The following CUBN variants were observed in gnomAD, a reference collection of about 807,000 sequenced individuals.
CUBN encodes 460 kDa receptor.
Under a neutral mutation model 405.3 loss-of-function variants are expected in CUBN, and 282 were observed. The observed-to-expected ratio is 0.70, with a 90% CI of 0.63 to 0.77. The LOEUF is 0.77. Among genes scored for constraint, CUBN ranks in the 30% least tolerant of loss-of-function variants. The pLI is 0.00. For missense variants in CUBN, 4,514 were observed against 4,475.2 expected, an observed-to-expected ratio of 1.01 and a Z score of -0.25; for synonymous variants, 1,684 against 1,617.0, an observed-to-expected ratio of 1.04 and a Z score of -0.99.
At chr10:17,044,963 T>C in intron 25 of CUBN, 44 bp downstream of exon 25, 1 of 1,566,648 alleles carries the variant, frequency 6.4e-7, no homozygotes, top group Non-Finnish European at 8.8e-7. Context: ...GTGCGTTGGG[T>C]GAGATGGGAG....
intron 64 of CUBN, among the ~76,000 whole-genome samples, chr10:16,832,143 C>T (rs1298583813): frequency 6.6e-6 from 1 of 152,104 alleles, no homozygotes; most frequent in African/African-American, 2.4e-5. Context: ...CACTTTCTGT[C>T]CCCCAGCCTG....
chr10:17,109,609 C>A (rs1422544165), intron 10 of CUBN, 31 bp downstream of exon 10: 2 of 1,558,534 alleles, frequency 1.3e-6, no homozygotes, highest in African/African-American at 2.7e-5. Context: ...TATTACAATA[C>A]CCAAAGCCAA....
At chr10:17,122,926 G>A (rs755466177) in intron 5 of CUBN, 28 bp from the exon 6 acceptor site, 9 of 1,500,424 alleles carry the variant, frequency 6.0e-6, no homozygotes, top group South Asian at 5.6e-5. Context: ...ACAAAGTCAG[G>A]TGCCAAAGGT....
intron 22 of CUBN, among the ~76,000 whole-genome samples, chr10:17,063,407 A>G (rs1835544507): frequency 6.6e-6 from 1 of 152,186 alleles, no homozygotes; most frequent in South Asian, 2.1e-4. Context: ...AGGCCAAAGT[A>G]ATGATTATCA....
chr10:17,041,058 A>G lies in CUBN; in HGVS notation c.3992T>C (p.Ile1331Thr). The G allele has an allele frequency of 6.2e-7, 1 of 1,613,824 alleles. No individual in the cohort carries two copies. Among genetic ancestry groups the G allele is most frequent in the Non-Finnish European group, 8.5e-7 (1 of 1,179,758 alleles). ...CTCTAAATAATCTGTGGAGCAGTTT[A>G]TGTGATGTTCCAAGTCAAATGCTAA... Reference protein sequence around the residue: ...TFLAFDLEHHINCSTDYLELY... With the variant: ...TFLAFDLEHHTNCSTDYLELY... The change falls in exon 27 of 67, where the codon ATA (isoleucine) becomes ACA (threonine). Residue 1331 changes from isoleucine to threonine, a missense_variant. Physicochemically the swap from Ile to Thr is moderately conservative, Grantham distance 89 (BLOSUM62 -1). Around this residue, in one of 5 missense-constraint regions of CUBN, gnomAD observed 242 missense variants for 309.0 expected, o/e 0.78. Coordinates refer to ENST00000377833, the MANE Select transcript of CUBN (RefSeq NM_001081.4).
At chr10:16,884,946 C>T (rs1840769627) in intron 56 of CUBN, among the ~76,000 whole-genome samples, 1 of 152,164 alleles carries the variant, frequency 6.6e-6, no homozygotes, top group South Asian at 2.1e-4. Context: ...AACAGAGTCT[C>T]TCAGAAACAG....
chr10:16,867,191 T>C (rs559326380), intron 59 of CUBN, among the ~76,000 whole-genome samples: 1 of 152,324 alleles, frequency 6.6e-6, no homozygotes, highest in African/African-American at 2.4e-5. Context: ...GCAAACAGCT[T>C]TGTAAATGAA....
At chr10:16,923,573 A>C (rs1357295567) in intron 43 of CUBN, among the ~76,000 whole-genome samples, 1 of 152,180 alleles carries the variant, frequency 6.6e-6, no homozygotes, top group Non-Finnish European at 1.5e-5. Flanking sequence ...ACAGGTTGTG[A>C]AATCAAAAGA....
intron 28 of CUBN, among the ~76,000 whole-genome samples, chr10:17,013,216 A>T: frequency 2.0e-5 from 3 of 149,128 alleles, no homozygotes; most frequent in African/African-American, 2.5e-5. Context: ...TCCTTCTCTG[A>T]CTTTGTCTGT....
At chr10:16,981,862 T>A (rs74616336) in intron 31 of CUBN, among the ~76,000 whole-genome samples, 3,025 of 152,290 alleles carry the variant, frequency 0.02, 95 homozygotes, top group African/African-American at 0.067. Flanking sequence ...CATAGCCATA[T>A]TCCTTCTCCT....
chr10:16,997,086 A>G (rs1471050989), intron 28 of CUBN, among the ~76,000 whole-genome samples: 1 of 152,232 alleles, frequency 6.6e-6, no homozygotes, highest in Non-Finnish European at 1.5e-5. Context: ...TTTCTGCTCT[A>G]TAAGACCTTG....
intron 58 of CUBN, among the ~76,000 whole-genome samples, chr10:16,872,553 G>A (rs1428912916): frequency 6.6e-6 from 1 of 152,080 alleles, no homozygotes; most frequent in African/African-American, 2.4e-5. Flanking sequence ...TGTTTTATAA[G>A]AGGCCCTTCC....
intron 28 of CUBN, among the ~76,000 whole-genome samples, chr10:17,009,985 C>T (rs959603626): frequency 2.0e-5 from 3 of 152,358 alleles, no homozygotes; most frequent in Admixed American, 6.5e-5. Flanking sequence ...CCAGTCTCAA[C>T]ACTTGCTCTC....
intron 28 of CUBN, among the ~76,000 whole-genome samples, chr10:17,014,266 T>A (rs930720406): frequency 5.3e-5 from 8 of 152,222 alleles, no homozygotes; most frequent in Non-Finnish European, 1.2e-4. Context: ...CTATTCCTGC[T>A]CTCTCTGTGA....
At chr10:16,966,839 G>A (rs58568372) in intron 31 of CUBN, among the ~76,000 whole-genome samples, 4,259 of 152,276 alleles carry the variant, frequency 0.028, 201 homozygotes, top group African/African-American at 0.097. Context: ...ATGTGGTGAA[G>A]AATAAGACAT....
At chr10:17,025,533 G>A (rs540497511) in intron 27 of CUBN, among the ~76,000 whole-genome samples, 1 of 152,160 alleles carries the variant, frequency 6.6e-6, no homozygotes, top group East Asian at 1.9e-4. Context: ...CCACGTAAAA[G>A]GTTTGCTATG....
rs60534442 is a variant in CUBN, at chr10:17,105,802, G to A, written c.1112-227C>T. Among the ~76,000 whole-genome samples, 10,222 of 152,250 alleles carry A rather than the reference G, an allele frequency of 0.067. 541 individuals carry two copies. Among genetic ancestry groups the A allele is most frequent in the East Asian group, 0.22 (1,132 of 5,174 alleles). ...TAAATGCCTTCCACACATTATTGAC[G>A]TACTGGGTTGACATGGGTGCTGTCA... On this transcript the variant is annotated intron_variant, in intron 10 of 66. Transcript: ENST00000377833.
At chr10:16,954,637 G>A (rs1044831742) in intron 31 of CUBN, 89 bp from the exon 32 acceptor site, 7 of 1,371,754 alleles carry the variant, frequency 5.1e-6, no homozygotes, top group Middle Eastern at 2.4e-4. Flanking sequence ...CGATATACTA[G>A]TGGATAATCA....
chr10:16,967,198 A>G (rs968184260), intron 31 of CUBN, among the ~76,000 whole-genome samples: 2 of 152,150 alleles, frequency 1.3e-5, no homozygotes, highest in African/African-American at 2.4e-5. Context: ...AGTTCAATTC[A>G]CAACCCCACA....
Sources: allele counts gnomAD v4.1 joint callset (sites outside exome capture counted in the v4.1 genomes callset), GRCh38; gene constraint gnomAD v4.1.1; regional missense constraint gnomAD v4.1.1; transcripts MANE v1.5; gene names NCBI Gene and HGNC (gene_info 2026-07-23, HGNC 2026-07-21).